Variants in MACROD2 observed in about 807,000 individuals in gnomAD.
MACROD2 encodes mono-ADP ribosylhydrolase 2, also known as ADP-ribose glycohydrolase MACROD2.
Under a neutral mutation model 70.4 loss-of-function variants are expected in MACROD2, and 36 were observed. The ratio of observed to expected loss-of-function variants is 0.51; its 90% CI spans 0.39 to 0.68. The LOEUF is 0.68. Among genes scored for constraint, MACROD2 ranks in the 30% least tolerant of loss-of-function variants. MACROD2 has a pLI of 0.00. For synonymous variants in MACROD2, 172 were observed against 178.8 expected (o/e 0.96, Z 0.30); for missense variants, 496 against 538.4 (o/e 0.92, Z 0.78).
At chr20:15,180,976 G>T (rs1303744414) in intron 5 of MACROD2, among the ~76,000 whole-genome samples, 1 of 152,108 alleles carries the variant, frequency 6.6e-6, no homozygotes, top group Middle Eastern at 3.2e-3. Flanking sequence ...ATATGCAGTG[G>T]TCCCATTAAT....
chr20:15,453,631 C>A (rs770687505), intron 7 of MACROD2, among the ~76,000 whole-genome samples: 6 of 152,034 alleles, frequency 3.9e-5, no homozygotes, highest in African/African-American at 1.4e-4. Context: ...AATGAGAAAT[C>A]GAAGACCCTG....
intron 4 of MACROD2, among the ~76,000 whole-genome samples, chr20:14,632,410 G>A (rs1488418382): frequency 6.6e-6 from 1 of 152,060 alleles, no homozygotes; most frequent in Non-Finnish European, 1.5e-5. Context: ...TGTAAAATAT[G>A]GTAGATATGG....
At chr20:14,501,351 T>A (rs1158165527) in intron 4 of MACROD2, among the ~76,000 whole-genome samples, 3 of 152,132 alleles carry the variant, frequency 2.0e-5, no homozygotes, top group Non-Finnish European at 2.9e-5. Flanking sequence ...TATATCATTC[T>A]CCTTTTTCAT....
chr20:15,243,791 T>A (rs2077081542), intron 6 of MACROD2, among the ~76,000 whole-genome samples: 1 of 150,506 alleles, frequency 6.6e-6, no homozygotes, highest in Non-Finnish European at 1.5e-5. Context: ...CGGGGCGTAG[T>A]GGCGGGTGCC....
intron 5 of MACROD2, among the ~76,000 whole-genome samples, chr20:14,784,474 C>T (rs952189998): frequency 6.6e-5 from 10 of 152,028 alleles, no homozygotes; most frequent in African/African-American, 2.4e-4. Flanking sequence ...CATAATCTGA[C>T]CTTTTATTAA....
At chr20:15,295,815 C>T (rs2077582394) in intron 6 of MACROD2, among the ~76,000 whole-genome samples, 1 of 152,160 alleles carries the variant, frequency 6.6e-6, no homozygotes. Flanking sequence ...TACAAGCCTG[C>T]CTTTCTTCAT....
At chr20:15,102,751 T>C (rs384827) in intron 5 of MACROD2, among the ~76,000 whole-genome samples, 128,105 of 151,902 alleles carry the variant, frequency 0.84, 54,852 homozygotes, top group Non-Finnish European at 0.9. Context: ...AAAATTGAGA[T>C]ATTTTGTTTA....
chr20:15,313,115 A>G (rs1430685500), intron 6 of MACROD2, among the ~76,000 whole-genome samples: 3 of 152,200 alleles, frequency 2.0e-5, no homozygotes, highest in Non-Finnish European at 2.9e-5. Context: ...ATCTGCTTTT[A>G]TCATTTTCTC....
chr20:15,819,540 T>C (rs1172921312), intron 8 of MACROD2, among the ~76,000 whole-genome samples: 1 of 148,734 alleles, frequency 6.7e-6, no homozygotes, highest in African/African-American at 2.5e-5. Flanking sequence ...TATAGGTACA[T>C]AAACATATAT....
At chr20:15,599,582 A>T (rs2048791625) in intron 8 of MACROD2, among the ~76,000 whole-genome samples, 1 of 152,192 alleles carries the variant, frequency 6.6e-6, no homozygotes, top group African/African-American at 2.4e-5. Context: ...CATCACCTGT[A>T]AATTGATAAT....
chr20:16,036,025 G>A (rs369492036), intron 15 of MACROD2, among the ~76,000 whole-genome samples: 2 of 151,922 alleles, frequency 1.3e-5, no homozygotes, highest in Admixed American at 6.6e-5. Context: ...ATTTCTGAAC[G>A]CATTATCTAA....
At chr20:14,346,985 A>G (rs2083071077) in intron 3 of MACROD2, among the ~76,000 whole-genome samples, 1 of 152,224 alleles carries the variant, frequency 6.6e-6, no homozygotes, top group Non-Finnish European at 1.5e-5. Context: ...ACATAGATAT[A>G]TAGGTTCTTG....
At chr20:14,211,373 G>A (rs1279560733) in intron 3 of MACROD2, among the ~76,000 whole-genome samples, 5 of 152,030 alleles carry the variant, frequency 3.3e-5, no homozygotes, top group Non-Finnish European at 5.9e-5. Flanking sequence ...AGCAAAACTT[G>A]ATGTGGAATA....
intron 3 of MACROD2, among the ~76,000 whole-genome samples, chr20:14,196,798 T>C (rs983828738): frequency 3.9e-5 from 6 of 152,210 alleles, no homozygotes; most frequent in African/African-American, 1.4e-4. Context: ...ATTCAGAAAA[T>C]ATGGTTGCTG....
rs1370638919 is a variant in MACROD2, at chr20:16,052,143, A to G, written c.*2267A>G. The G allele has an allele frequency of 1.3e-5, 2 of 152,238 alleles. No individual in the cohort carries two copies. Among genetic ancestry groups the G allele is most frequent in the African/African-American group, 2.4e-5 (1 of 41,468 alleles). 9.4% of individuals were successfully genotyped at this position (152,238 alleles called of 1,614,324 possible). ...CCTGAATTTGTTTATTCTTCCATCT[A>G]TAATTAGATTGTGTTTTCATTTTTG... is the stretch of plus-strand genomic sequence containing the variant. On this transcript the variant is annotated 3_prime_UTR_variant, in exon 18 of 18. Transcript: ENST00000684519.
intron 6 of MACROD2, among the ~76,000 whole-genome samples, chr20:15,384,136 G>A (rs2045680119): frequency 6.6e-6 from 1 of 152,162 alleles, no homozygotes; most frequent in Non-Finnish European, 1.5e-5. Context: ...CCTCAGCACT[G>A]TAGCTTCAAC....
At chr20:15,416,992 G>A (rs910394355) in intron 6 of MACROD2, among the ~76,000 whole-genome samples, 1 of 152,180 alleles carries the variant, frequency 6.6e-6, no homozygotes, top group South Asian at 2.1e-4. Context: ...ATCATGGAGG[G>A]GATGAAATGG....
intron 4 of MACROD2, among the ~76,000 whole-genome samples, chr20:14,613,341 G>A (rs1372927210): frequency 2.0e-5 from 3 of 151,996 alleles, no homozygotes; most frequent in African/African-American, 7.2e-5. Flanking sequence ...GTTTTCTTGG[G>A]CTTGCATTTC....
intron 5 of MACROD2, among the ~76,000 whole-genome samples, chr20:14,891,114 A>G (rs2073754862): frequency 6.6e-6 from 1 of 151,634 alleles, no homozygotes; most frequent in African/African-American, 2.4e-5. Flanking sequence ...TGAACTAAAA[A>G]CCCATACTTG....
Sources: gnomAD v4.1 joint callset for allele counts (sites outside exome capture counted in the v4.1 genomes callset) on GRCh38, gnomAD v4.1.1 for gene constraint, MANE v1.5 for transcripts, NCBI Gene and HGNC (gene_info 2026-07-23, HGNC 2026-07-21) for gene names.